MAST4: variants seen among roughly 807,000 people sequenced by gnomAD.
The protein encoded by MAST4 is microtubule associated serine/threonine kinase family member 4, also known as microtubule-associated serine/threonine-protein kinase 4.
A neutral mutation model predicts 162.7 loss-of-function variants in MAST4; 89 were observed. That is an observed-to-expected ratio of 0.55 (90% CI 0.46 to 0.65). The LOEUF (loss-of-function observed/expected upper bound fraction) is 0.65. MAST4 is among the 30% of genes least tolerant of loss of function. The probability of loss-of-function intolerance (pLI) is 0.00; values close to 1 mark genes in which losing one functional copy is unlikely to be tolerated. For synonymous variants in MAST4, 1,479 were observed against 1,361.1 expected, an observed-to-expected ratio of 1.09 and a Z score of -1.91; for missense variants, 3,153 against 3,374.0, an observed-to-expected ratio of 0.93 and a Z score of 1.62.
intron 3 of MAST4, among the ~76,000 whole-genome samples, chr5:66,875,731 A>C (rs1761252962): frequency 6.6e-6 from 1 of 152,228 alleles, no homozygotes; most frequent in Admixed American, 6.5e-5. Flanking sequence ...CTGCATTATT[A>C]AAAGTCTATA....
intron 19 of MAST4, among the ~76,000 whole-genome samples, chr5:67,141,331 T>C (rs544802117): frequency 6.6e-6 from 1 of 152,308 alleles, no homozygotes; most frequent in South Asian, 2.1e-4. Flanking sequence ...ATATGTGTGC[T>C]GGTGGCAGGG....
intron 1 of MAST4, among the ~76,000 whole-genome samples, chr5:66,630,625 A>G (rs1006273459): frequency 7.9e-5 from 12 of 152,212 alleles, no homozygotes; most frequent in African/African-American, 2.9e-4. Flanking sequence ...TAAATGTTCT[A>G]TAAGATTCCA....
intron 4 of MAST4, among the ~76,000 whole-genome samples, chr5:66,904,627 T>G (rs930440713): frequency 1.3e-5 from 2 of 152,162 alleles, no homozygotes; most frequent in Non-Finnish European, 2.9e-5. Flanking sequence ...GAATGACACT[T>G]GGCAGTTTCT....
chr5:66,713,163 A>G (rs922935809), intron 1 of MAST4, among the ~76,000 whole-genome samples: 45 of 152,078 alleles, frequency 3.0e-4, no homozygotes, highest in Non-Finnish European at 7.3e-5. Context: ...TGTTTATTTA[A>G]ATACTAATCT....
At chr5:66,963,039 A>G (rs1746205072) in intron 4 of MAST4, among the ~76,000 whole-genome samples, 1 of 140,446 alleles carries the variant, frequency 7.1e-6, no homozygotes, top group African/African-American at 2.5e-5. Context: ...TGGAATAATC[A>G]TGGTGGTTTG....
intron 19 of MAST4, among the ~76,000 whole-genome samples, chr5:67,136,896 G>A (rs1258648962): frequency 5.9e-5 from 9 of 152,150 alleles, no homozygotes; most frequent in African/African-American, 2.2e-4. Context: ...TTGTTTTTGT[G>A]TTTGGCAAAG....
chr5:66,865,231 A>G (rs1193668160), intron 3 of MAST4, among the ~76,000 whole-genome samples: 1 of 152,212 alleles, frequency 6.6e-6, no homozygotes, highest in Non-Finnish European at 1.5e-5. Flanking sequence ...TGGAAATGTC[A>G]AGGAGATGTG....
intron 3 of MAST4, among the ~76,000 whole-genome samples, chr5:66,820,452 A>G (rs987360967): frequency 6.6e-6 from 1 of 152,234 alleles, no homozygotes; most frequent in African/African-American, 2.4e-5. Flanking sequence ...CTATGTATTA[A>G]TATGACATAT....
At chr5:66,783,881 T>A (rs1460666028) in intron 2 of MAST4, among the ~76,000 whole-genome samples, 2 of 152,164 alleles carry the variant, frequency 1.3e-5, no homozygotes, top group Admixed American at 6.5e-5. Context: ...TCCCCAGCAA[T>A]GGGTGCTGGT....
intron 4 of MAST4, among the ~76,000 whole-genome samples, chr5:66,945,394 G>A (rs996891050): frequency 6.6e-6 from 1 of 152,114 alleles, no homozygotes; most frequent in South Asian, 2.1e-4. Flanking sequence ...CGGAAATCAT[G>A]CTGTAAATGA....
At chr5:66,866,181 A>G (rs1760506510) in intron 3 of MAST4, among the ~76,000 whole-genome samples, 1 of 145,196 alleles carries the variant, frequency 6.9e-6, no homozygotes, top group Non-Finnish European at 1.5e-5. Context: ...TTAGGGTGAA[A>G]AAAGTTAGCT....
chr5:66,786,504 G>C (rs986870696), intron 2 of MAST4, among the ~76,000 whole-genome samples: 1 of 152,078 alleles, frequency 6.6e-6, no homozygotes, highest in Non-Finnish European at 1.5e-5. Flanking sequence ...GGAAAAAGTG[G>C]ATTCAGATTA....
chr5:67,118,748 G>A lies in MAST4; in HGVS notation c.1658G>A (p.Ser553Asn), dbSNP rs1178136424. The A allele has an allele frequency of 6.5e-7, 1 of 1,538,398 alleles. No individual in the cohort carries two copies. ...ACACCAGAAACAGATGAATCAGTGA[G>A]TGTAAGTATATTTCTTGATGAAATA... ...AETPETDESV[S>N]SSNASLKLRR... The change falls in exon 13 of 29, where the codon AGT (serine) becomes AAT (asparagine). Residue 553 changes from serine (S) to asparagine (N), a missense_variant and splice_region_variant. Coordinates refer to ENST00000403625, the MANE Select transcript of MAST4 (RefSeq NM_001164664.2).
chr5:67,113,804 G>T (rs1301490698), intron 11 of MAST4, among the ~76,000 whole-genome samples: 1 of 152,198 alleles, frequency 6.6e-6, no homozygotes, highest in African/African-American at 2.4e-5. Flanking sequence ...CGACGAGCGA[G>T]ATCTTAAGTG....
At chr5:66,704,497 T>TTTTTC (rs1749990256) in intron 1 of MAST4, among the ~76,000 whole-genome samples, 1 of 139,332 alleles carries the variant, frequency 7.2e-6, no homozygotes, top group African/African-American at 2.7e-5. Context: ...TTGTTCTTTT[T>TTTTTC]TTTTTTTTTT....
At chr5:66,751,737 A>G (rs1277287653) in intron 1 of MAST4, among the ~76,000 whole-genome samples, 1 of 150,786 alleles carries the variant, frequency 6.6e-6, no homozygotes, top group Non-Finnish European at 1.5e-5. Context: ...ATTATCCAGG[A>G]GAACTTCCCC....
intron 3 of MAST4, among the ~76,000 whole-genome samples, chr5:66,796,362 G>A (rs187953472): frequency 8.7e-4 from 132 of 152,286 alleles, no homozygotes; most frequent in African/African-American, 3.1e-3. Context: ...TCCACTCAGC[G>A]CAGTCACTTA....
chr5:66,625,141 CA>C (rs1744343157), intron 1 of MAST4, among the ~76,000 whole-genome samples: 1 of 152,146 alleles, frequency 6.6e-6, no homozygotes, highest in South Asian at 2.1e-4. Context: ...CTCACTGTGA[CA>C]CTTGGCCTTA....
intron 24 of MAST4, among the ~76,000 whole-genome samples, chr5:67,151,042 G>A (rs1029356406): frequency 1.3e-5 from 2 of 152,130 alleles, no homozygotes; most frequent in Admixed American, 6.5e-5. Flanking sequence ...GGCTCCAACC[G>A]AGCTCATGTT....
Sources: allele counts gnomAD v4.1 joint callset (sites outside exome capture counted in the v4.1 genomes callset), GRCh38; gene constraint gnomAD v4.1.1; transcripts MANE v1.5; gene names NCBI Gene and HGNC (gene_info 2026-07-23, HGNC 2026-07-21).